Variants in PDE1A observed in about 807,000 individuals in gnomAD.
PDE1A encodes the protein phosphodiesterase 1A, also known as dual specificity calcium/calmodulin-dependent 3',5'-cyclic nucleotide phosphodiesterase 1A.
In PDE1A, 35 loss-of-function variants were observed where a neutral mutation model predicts 61.7. The ratio of observed to expected loss-of-function variants is 0.57; its 90% CI spans 0.43 to 0.75. PDE1A has a LOEUF of 0.75. Among genes scored for constraint, PDE1A ranks in the 30% least tolerant of loss-of-function variants. The probability of loss-of-function intolerance (pLI) is 0.00; values close to 1 mark genes in which losing one functional copy is unlikely to be tolerated. For missense variants in PDE1A, 597 were observed against 630.6 expected, an observed-to-expected ratio of 0.95 and a Z score of 0.57; for synonymous variants, 232 against 213.2, an observed-to-expected ratio of 1.09 and a Z score of -0.77.
At chr2:182,576,784 T>C in the PDE1A span, among the ~76,000 whole-genome samples, 3 of 152,200 alleles carry the variant, frequency 2.0e-5, no homozygotes, top group Admixed American at 2.0e-4. Context: ...TTAAAACCAC[T>C]GATATCACCA....
chr2:182,263,100 C>T (rs1441269301), intron 2 of PDE1A, among the ~76,000 whole-genome samples: 1 of 152,154 alleles, frequency 6.6e-6, no homozygotes, highest in Non-Finnish European at 1.5e-5. Flanking sequence ...AGGCCTGGGA[C>T]AGGCATGGAC....
chr2:182,241,837 T>G, intron 2 of PDE1A: 1 of 1,542,668 alleles, frequency 6.5e-7, no homozygotes, highest in East Asian at 2.3e-5. Context: ...TGATCTGACA[T>G]TTGGATGGTT....
chr2:182,263,507 G>GA (rs1226834460), intron 2 of PDE1A, among the ~76,000 whole-genome samples: 2 of 151,972 alleles, frequency 1.3e-5, no homozygotes, highest in African/African-American at 2.4e-5. Flanking sequence ...TTATGGCTGT[G>GA]AAAAAAATTA....
At chr2:182,217,717 A>G (rs904225404) in intron 7 of PDE1A, among the ~76,000 whole-genome samples, 1 of 133,558 alleles carries the variant, frequency 7.5e-6, no homozygotes, top group Non-Finnish European at 1.6e-5. Context: ...AACCACAATG[A>G]GATACCATCT....
chr2:182,198,030 AT>A (rs1201179882), intron 10 of PDE1A, among the ~76,000 whole-genome samples: 1 of 151,968 alleles, frequency 6.6e-6, no homozygotes, highest in African/African-American at 2.4e-5. Context: ...TCTTTCAGTC[AT>A]TAACATATCT....
At chr2:182,708,771 G>A in the PDE1A span, among the ~76,000 whole-genome samples, 603 of 152,230 alleles carry the variant, frequency 4.0e-3, 3 homozygotes, top group African/African-American at 0.013. Context: ...AAATTCTACC[G>A]CTTACTAACA....
At chr2:182,377,850 C>A (rs1403457050) in intron 1 of PDE1A, among the ~76,000 whole-genome samples, 3 of 151,130 alleles carry the variant, frequency 2.0e-5, no homozygotes, top group East Asian at 2.0e-4. Context: ...GCAATTCAGA[C>A]AGTTTTTTTT....
chr2:182,589,489 T>C, the PDE1A span, among the ~76,000 whole-genome samples: 2 of 151,972 alleles, frequency 1.3e-5, no homozygotes, highest in African/African-American at 2.4e-5. Flanking sequence ...GTGGAAGATA[T>C]GAAAAAGCAG....
At position 182,202,192 on chromosome 2, in the gene PDE1A, G is replaced by A. The variant is rs1178100127; in HGVS notation, c.903-403C>T. Reference sequence around the variant, plus strand: ...CTTTGAGGAAAAAAAGTAGTCCAGTGGGGCCTGAGACTATTCTAAATCCAC... The same window carrying A: ...CTTTGAGGAAAAAAAGTAGTCCAGTAGGGCCTGAGACTATTCTAAATCCAC... On this transcript the variant is annotated intron_variant, in intron 8 of 13. Coordinates refer to ENST00000351439, the Ensembl canonical transcript of PDE1A. 4.6e-5 allele frequency among the ~76,000 whole-genome samples: 7 copies of A among 152,254 alleles called. No individual in the cohort carries two copies. In the South Asian group the frequency reaches 1.2e-3, roughly 27 times the overall value.
intron 2 of PDE1A, among the ~76,000 whole-genome samples, chr2:182,516,702 G>GAGGAAGGGAGGAAGGAAGGAAGGAAGGA (rs1553636652): frequency 1.5e-4 from 18 of 116,844 alleles, no homozygotes; most frequent in East Asian, 4.8e-4. Context: ...GGGAGGAAGG[G>GAGGAAGGGAGGAAGGAAGGAAGGAAGGA]AGGAAGGAAG....
chr2:182,210,842 C>T (rs974196014), intron 7 of PDE1A, among the ~76,000 whole-genome samples: 1 of 151,656 alleles, frequency 6.6e-6, no homozygotes, highest in Admixed American at 6.6e-5. Flanking sequence ...GGTATAAGGC[C>T]TGTGTCTTAG....
chr2:182,475,423 T>C (rs1470656378), intron 2 of PDE1A, among the ~76,000 whole-genome samples: 1 of 151,946 alleles, frequency 6.6e-6, no homozygotes, highest in Non-Finnish European at 1.5e-5. Flanking sequence ...GTGTTTTATA[T>C]ACAGTATCTC....
intron 2 of PDE1A, among the ~76,000 whole-genome samples, chr2:182,507,608 G>A (rs1689494710): frequency 6.6e-6 from 1 of 152,096 alleles, no homozygotes; most frequent in Non-Finnish European, 1.5e-5. Context: ...GAGTAAGTAT[G>A]AGAGAGATTA....
chr2:182,697,088 T>C, the PDE1A span, among the ~76,000 whole-genome samples: 2 of 152,198 alleles, frequency 1.3e-5, no homozygotes, highest in African/African-American at 4.8e-5. Flanking sequence ...TCTCACCCCC[T>C]CTGATATACC....
chr2:182,647,084 T>C, the PDE1A span, among the ~76,000 whole-genome samples: 1 of 152,222 alleles, frequency 6.6e-6, no homozygotes, highest in African/African-American at 2.4e-5. Context: ...TTTTTAACAA[T>C]GTTGAACCCA....
At chr2:182,462,798 T>G (rs1283002435) in intron 2 of PDE1A, among the ~76,000 whole-genome samples, 1 of 152,122 alleles carries the variant, frequency 6.6e-6, no homozygotes, top group Middle Eastern at 3.2e-3. Context: ...TATCAAAACC[T>G]TGAAACTTTT....
At chr2:182,644,366 G>C in the PDE1A span, among the ~76,000 whole-genome samples, 1 of 150,514 alleles carries the variant, frequency 6.6e-6, no homozygotes, top group East Asian at 2.0e-4. Context: ...CCAAACCATG[G>C]AGTTTGGGAT....
intron 2 of PDE1A, among the ~76,000 whole-genome samples, chr2:182,248,638 C>G (rs1394585108): frequency 1.3e-5 from 2 of 152,166 alleles, no homozygotes; most frequent in Non-Finnish European, 2.9e-5. Flanking sequence ...AAGGAGAGGT[C>G]ATGGGATTTT....
At chr2:182,439,094 T>C (rs971196315) in intron 2 of PDE1A, among the ~76,000 whole-genome samples, 5 of 151,990 alleles carry the variant, frequency 3.3e-5, no homozygotes, top group African/African-American at 1.2e-4. Context: ...GATTCTAAGA[T>C]AATAATTAGA....
Sources: allele counts gnomAD v4.1 joint callset (sites outside exome capture counted in the v4.1 genomes callset), GRCh38; gene constraint gnomAD v4.1.1; transcripts MANE v1.5; gene names NCBI Gene and HGNC (gene_info 2026-07-23, HGNC 2026-07-21).